Variants in VCAN observed in about 807,000 individuals in gnomAD.
The protein encoded by VCAN is versican, also known as versican core protein.
VCAN carries 44 observed loss-of-function variants against 245.5 expected under a neutral mutation model. The ratio of observed to expected loss-of-function variants is 0.18; its 90% CI spans 0.14 to 0.23. The LOEUF is 0.23. Ranked by LOEUF, VCAN falls within the 10% of genes least tolerant of loss-of-function variation. VCAN has a pLI of 1.00. For synonymous variants in VCAN, 1,413 were observed against 1,437.0 expected (o/e 0.98, Z 0.38); for missense variants, 3,793 against 4,057.9 (o/e 0.93, Z 1.77).
At chr5:83,516,869 A>G (rs902319132) in intron 6 of VCAN, among the ~76,000 whole-genome samples, 2 of 152,246 alleles carry the variant, frequency 1.3e-5, no homozygotes, top group Admixed American at 6.5e-5. Context: ...AACAAATGGC[A>G]CAAATCCTCA....
chr5:83,553,912 T>C (rs550315814), intron 11 of VCAN, among the ~76,000 whole-genome samples: 1 of 152,356 alleles, frequency 6.6e-6, no homozygotes, highest in South Asian at 2.1e-4. Flanking sequence ...TACAGTTGTT[T>C]TCAGTTATTT....
At chr5:83,522,451 A>G in intron 7 of VCAN, 142 bp downstream of exon 7, 4 of 858,380 alleles carry the variant, frequency 4.7e-6, no homozygotes, top group East Asian at 2.6e-5. Context: ...TTAGCTTCAT[A>G]TATTTGTACA....
At chr5:83,510,069 G>A (rs1472457698) in intron 5 of VCAN, among the ~76,000 whole-genome samples, 2 of 152,216 alleles carry the variant, frequency 1.3e-5, no homozygotes, top group Non-Finnish European at 2.9e-5. Context: ...GGGAGACGTT[G>A]TGAGAGCCGG....
In VCAN at chr5:83,545,566, C is replaced by T. The variant is rs1429291625; in HGVS notation, c.9295C>T (p.Leu3099Phe). ...TGATCGCTGCAAAATGAACCCGTGC[C>T]TTAACGGAGGCACCTGTTATCCTAC... ...GPDRCKMNPC[L>F]NGGTCYPTET... The change falls in exon 9 of 15, where the codon CTT becomes TTT. Residue 3099 changes from leucine to phenylalanine, a missense_variant. Coordinates refer to ENST00000265077, the MANE Select transcript of VCAN (RefSeq NM_004385.5). The T allele has an allele frequency of 1.2e-6, 2 of 1,613,980 alleles. No individual in the cohort carries two copies. Among genetic ancestry groups the T allele is most frequent in the African/African-American group, 1.3e-5 (1 of 74,926 alleles).
At chr5:83,492,477 C>G (rs1415783080) in intron 3 of VCAN, among the ~76,000 whole-genome samples, 1 of 152,180 alleles carries the variant, frequency 6.6e-6, no homozygotes, top group Non-Finnish European at 1.5e-5. Flanking sequence ...TTAGTTCAAT[C>G]CACTTTGATG....
At position 83,541,062 on chromosome 5, in the gene VCAN, C is replaced by A; in HGVS notation, c.8059C>A (p.Leu2687Ile). ...PSTETELDVLLPTATSLPIPR... is the reference protein window; with the variant it reads ...PSTETELDVLIPTATSLPIPR... ...CACAGAAACAGAATTAGACGTTTTA[C>A]TTCCCACGGCAACATCCCTGCCAAT... The change falls in exon 8 of 15, where the codon CTT becomes ATT. Residue 2687 changes from leucine (L) to isoleucine (I), a missense_variant. Physicochemically the swap from Leu to Ile is conservative, Grantham distance 5 (BLOSUM62 2). Coordinates refer to ENST00000265077, the MANE Select transcript of VCAN (RefSeq NM_004385.5). 1 of 1,614,072 alleles carries A rather than the reference C, an allele frequency of 6.2e-7. No homozygotes were observed. The highest frequency in any genetic ancestry group is 1.3e-5 in the African/African-American group (1 of 75,032).
At chr5:83,567,117 T>A (rs1391549769) in intron 12 of VCAN, among the ~76,000 whole-genome samples, 6 of 152,180 alleles carry the variant, frequency 3.9e-5, no homozygotes, top group Non-Finnish European at 8.8e-5. Context: ...TAGCCCTTTT[T>A]GGCATGTTAT....
At chr5:83,480,303 G>T (rs1006046664) in intron 1 of VCAN, among the ~76,000 whole-genome samples, 3 of 152,118 alleles carry the variant, frequency 2.0e-5, no homozygotes, top group African/African-American at 4.8e-5. Context: ...CTTTTATAAG[G>T]ATTGAGTGTG....
At chr5:83,530,769 C>T (rs139662096) in intron 7 of VCAN, among the ~76,000 whole-genome samples, 175 of 152,040 alleles carry the variant, frequency 1.2e-3, no homozygotes, top group African/African-American at 4.0e-3. Flanking sequence ...AGTGGTGATG[C>T]GTTTTAGTAG....
intron 13 of VCAN, 152 bp downstream of exon 13, chr5:83,572,712 CA>C: frequency 2.8e-6 from 3 of 1,083,968 alleles, no homozygotes; most frequent in Non-Finnish European, 4.0e-6. Flanking sequence ...TTCACTCTTC[CA>C]AAACAATTGA....
At position 83,510,898 on chromosome 5, in the gene VCAN, G is replaced by A. The variant is rs190226227; in HGVS notation, c.749-1205G>A. Among the ~76,000 whole-genome samples the A allele has an allele frequency of 3.6e-3, 550 of 152,236 alleles. 2 individuals are homozygous for A. Among genetic ancestry groups the A allele is most frequent in the African/African-American group, 0.012 (511 of 41,562 alleles). ...TGGGAGGCCGAGGCGGGTGGATCAC[G>A]AGGTCAGGAGTTTGAGGCCAGCCTG... On this transcript the variant is annotated intron_variant, in intron 5 of 14. Transcript: ENST00000265077.
intron 2 of VCAN, among the ~76,000 whole-genome samples, chr5:83,486,729 T>C (rs543816524): frequency 1.1e-3 from 162 of 152,332 alleles, no homozygotes; most frequent in African/African-American, 3.8e-3. Flanking sequence ...GCCAACAACA[T>C]TGAGTAATTT....
At chr5:83,563,748 G>A (rs1747965360) in intron 12 of VCAN, among the ~76,000 whole-genome samples, 2 of 152,138 alleles carry the variant, frequency 1.3e-5, no homozygotes, top group African/African-American at 4.8e-5. Context: ...AAAAGAGTTT[G>A]CGCACAAAGA....
chr5:83,498,827 T>C (rs1301274101), intron 5 of VCAN, among the ~76,000 whole-genome samples: 1 of 152,204 alleles, frequency 6.6e-6, no homozygotes, highest in Non-Finnish European at 1.5e-5. Context: ...GGGGATCTGT[T>C]TTACTACCAT....
chr5:83,516,068 T>TA (rs1490040319), intron 6 of VCAN, among the ~76,000 whole-genome samples: 1 of 152,122 alleles, frequency 6.6e-6, no homozygotes, highest in Non-Finnish European at 1.5e-5. Flanking sequence ...CCATCTCTAC[T>TA]AAAAATACAA....
chr5:83,538,149 T>A lies in VCAN; in HGVS notation c.5146T>A (p.Ser1716Thr). ...TGAAACAGACACTTCTGAGTGGATT[T>A]CCAGTACCACTGTTGAGGAAAAGAA... Reference protein sequence around the residue: ...VSETDTSEWISSTTVEEKKRK... With the variant: ...VSETDTSEWITSTTVEEKKRK... Residue 1716 changes from serine to threonine, a missense_variant, in exon 8 of 15, where the codon TCC becomes ACC. By Grantham distance (58) the Ser-to-Thr change is moderately conservative. Transcript: ENST00000265077. The A allele has an allele frequency of 6.2e-7, 1 of 1,613,976 alleles. No individual in the cohort carries two copies. The highest frequency in any genetic ancestry group is 1.3e-5 in the African/African-American group (1 of 75,044).
At chr5:83,565,324 T>G (rs1748030407) in intron 12 of VCAN, among the ~76,000 whole-genome samples, 1 of 152,112 alleles carries the variant, frequency 6.6e-6, no homozygotes, top group African/African-American at 2.4e-5. Context: ...TGTGTATGAA[T>G]GGAAGCATTA....
intron 5 of VCAN, among the ~76,000 whole-genome samples, chr5:83,505,505 A>G (rs753300960): frequency 6.6e-6 from 1 of 152,182 alleles, no homozygotes; most frequent in Non-Finnish European, 1.5e-5. Flanking sequence ...ACGCTGATGC[A>G]AGAGGTAGGT....
Position 83,540,220 on chromosome 5 carries a change from A to G in VCAN, c.7217A>G (p.Tyr2406Cys). The G allele has an allele frequency of 6.2e-7, 1 of 1,614,120 alleles. No individual in the cohort carries two copies. Among genetic ancestry groups the G allele is most frequent in the Non-Finnish European group, 8.5e-7 (1 of 1,180,002 alleles). Reference sequence around the variant, plus strand: ...TCTACTGATTTTCTGGCTAGAGCTTATGGTTTTGAAATGGCCAAAGAATTT... The same window carrying G: ...TCTACTGATTTTCTGGCTAGAGCTTGTGGTTTTGAAATGGCCAAAGAATTT... ...TSSTDFLARAYGFEMAKEFVT... is the reference protein window; with the variant it reads ...TSSTDFLARACGFEMAKEFVT... Residue 2406 changes from tyrosine to cysteine, a missense_variant, in exon 8 of 15, where the codon TAT becomes TGT. By Grantham distance (194) the Tyr-to-Cys change is radical (BLOSUM62 -2). Around this residue, in one of 5 missense-constraint regions of VCAN, gnomAD observed 3,182 missense variants for 3,250.3 expected, o/e 0.98. Coordinates refer to ENST00000265077, the MANE Select transcript of VCAN (RefSeq NM_004385.5).
Sources: gnomAD v4.1 joint callset for allele counts (sites outside exome capture counted in the v4.1 genomes callset) on GRCh38, gnomAD v4.1.1 for gene constraint, gnomAD v4.1.1 regional missense constraint, MANE v1.5 for transcripts, NCBI Gene and HGNC (gene_info 2026-07-23, HGNC 2026-07-21) for gene names.